XPO6: variants seen among roughly 807,000 people sequenced by gnomAD.
XPO6 encodes the protein exportin-6.
XPO6 carries 3 observed loss-of-function variants against 130.0 expected under a neutral mutation model. The ratio of observed to expected loss-of-function variants is 0.02; its 90% CI spans 0.01 to 0.06. The LOEUF (loss-of-function observed/expected upper bound fraction) is 0.06, where lower values mean the gene tolerates loss of function less well. XPO6 is among the 10% of genes least tolerant of loss of function. The pLI, the probability that XPO6 is intolerant of heterozygous loss-of-function variation, is 1.00. For missense variants in XPO6, 970 were observed against 1,393.0 expected (o/e 0.70, Z 4.83); for synonymous variants, 524 against 548.9 (o/e 0.95, Z 0.63).
intron 1 of XPO6, among the ~76,000 whole-genome samples, chr16:28,207,067 T>C (rs1200248237): frequency 6.6e-6 from 1 of 151,954 alleles, no homozygotes; most frequent in Non-Finnish European, 1.5e-5. Flanking sequence ...ACCAACGTGG[T>C]GAAACCCCAT....
At chr16:28,120,361 A>G (rs2087202411) in intron 14 of XPO6, among the ~76,000 whole-genome samples, 1 of 152,220 alleles carries the variant, frequency 6.6e-6, no homozygotes, top group African/African-American at 2.4e-5. Flanking sequence ...ATGTGCTAGT[A>G]CTTTAAAGTA....
At chr16:28,116,599 G>A (rs72789643) in intron 15 of XPO6, among the ~76,000 whole-genome samples, 65 of 151,802 alleles carry the variant, frequency 4.3e-4, no homozygotes, top group Non-Finnish European at 8.7e-4. Flanking sequence ...CCTTTCACTC[G>A]AACACGTAAA....
At chr16:28,207,349 AT>A (rs2044048378) in intron 1 of XPO6, among the ~76,000 whole-genome samples, 1 of 152,190 alleles carries the variant, frequency 6.6e-6, no homozygotes, top group Non-Finnish European at 1.5e-5. Context: ...CAAAAACTCA[AT>A]TTTGCACACA....
intron 7 of XPO6, chr16:28,153,325 G>A (rs1201951971): frequency 1.0e-6 from 1 of 985,678 alleles, no homozygotes; most frequent in Non-Finnish European, 1.2e-6. Flanking sequence ...TACTCTAAAA[G>A]TGATTTCAAA....
At position 28,106,186 on chromosome 16, in the gene XPO6, C is replaced by G; in HGVS notation, c.2641G>C (p.Glu881Gln). ...REQLAESILH[E>Q]GSTGCRVVEK... ...ACCACCCGGCAGCCTGTGCTGCCCT[C>G]GTGGAGGATGCTCTCGGCTAACTGC... The change falls in exon 20 of 24, where the codon GAG becomes CAG. Residue 881 changes from glutamate (E) to glutamine (Q), a missense_variant. By Grantham distance (29) the Glu-to-Gln change is conservative. Transcript: ENST00000304658. This position sits in a 1 kb window ranked among gnomAD's most constrained non-coding sequence, Gnocchi z 4.2. 6.2e-7 allele frequency: 1 copy of G among 1,614,116 alleles called. No individual in the cohort carries two copies. The highest frequency in any genetic ancestry group is 8.5e-7 in the Non-Finnish European group (1 of 1,180,034).
rs1446527297 is a variant in XPO6 at position 28,101,831 on chromosome 16, G to A, written c.3045+16C>T. 3 of 1,611,762 alleles carry A rather than the reference G, an allele frequency of 1.9e-6. No individual in the cohort carries two copies. The South Asian group carries it at 3.3e-5, about 18-fold the overall frequency. ...GCCCCTGATGGAAGAATATTTCCAAGAGCTGGGGCACTTACCTTGTGGTAC... is the reference window on the plus strand; with the variant it reads ...GCCCCTGATGGAAGAATATTTCCAAAAGCTGGGGCACTTACCTTGTGGTAC... On this transcript the variant is annotated intron_variant, in intron 22 of 23. Transcript: ENST00000304658. This position sits in a 1 kb window ranked among gnomAD's most constrained non-coding sequence, Gnocchi z 5.4.
At chr16:28,135,485 C>T (rs565579846) in intron 9 of XPO6, among the ~76,000 whole-genome samples, 161 bp from the exon 10 acceptor site, 11 of 152,260 alleles carry the variant, frequency 7.2e-5, no homozygotes, top group African/African-American at 2.6e-4. Context: ...CGTGTGTGCG[C>T]CCATGGAAGA....
chr16:28,124,237 T>C lies in XPO6; in HGVS notation c.1766+1452A>G, dbSNP rs146136444. On this transcript the variant is annotated intron_variant, in intron 13 of 23. Transcript: ENST00000304658. ...CACGCCCGGCTAATTTTTGTATTTT[T>C]AGTAGAGATGGGGTTTCATCATATT... 8.5e-4 allele frequency among the ~76,000 whole-genome samples: 130 copies of C among 152,212 alleles called. 1 individual carries two copies. In the East Asian group the frequency reaches 0.022, roughly 25 times the overall value.
chr16:28,177,440 A>C (rs2043550480), intron 2 of XPO6, 108 bp from the exon 3 acceptor site: 1 of 601,168 alleles, frequency 1.7e-6, no homozygotes. Context: ...TATAATGTAA[A>C]TGATGTCAAA....
chr16:28,113,186 T>C lies in XPO6; in HGVS notation c.2005-136A>G, dbSNP rs764313500. 5.2e-5 allele frequency: 60 copies of C among 1,154,596 alleles called. 1 individual carries two copies. The highest frequency in any genetic ancestry group is 6.3e-5 in the African/African-American group (4 of 63,430). 71.5% of individuals were successfully genotyped at this position (1,154,596 alleles called of 1,614,324 possible). A position where few individuals can be genotyped will look rare whatever the true frequency, so the allele number is the denominator to read the frequency against. On this transcript the variant is annotated intron_variant, in intron 15 of 23. Transcript: ENST00000304658. ...ACCTAGGCCCTATCTAGCTCAAGAA[T>C]TTTTCCTATGATGACTACAAGAGAA... is the stretch of plus-strand genomic sequence containing the variant.
intron 1 of XPO6, among the ~76,000 whole-genome samples, chr16:28,200,734 A>G (rs1472078509): frequency 6.6e-6 from 1 of 152,138 alleles, no homozygotes; most frequent in Non-Finnish European, 1.5e-5. Flanking sequence ...GCCCAGATGA[A>G]GAGAACACTA....
At chr16:28,146,513 T>C (rs1305394914) in intron 8 of XPO6, among the ~76,000 whole-genome samples, 1 of 152,200 alleles carries the variant, frequency 6.6e-6, no homozygotes, top group Non-Finnish European at 1.5e-5. Flanking sequence ...TTACAGATCA[T>C]CTAGTTTAAA....
At chr16:28,100,008 G>A (rs554509415) in intron 23 of XPO6, among the ~76,000 whole-genome samples, 22 of 150,890 alleles carry the variant, frequency 1.5e-4, no homozygotes, top group African/African-American at 5.4e-4. Context: ...TTTTTTTTGA[G>A]ACAAAGTCCC....
intron 8 of XPO6, among the ~76,000 whole-genome samples, chr16:28,147,397 T>TC (rs761945766): frequency 5.3e-5 from 8 of 150,714 alleles, no homozygotes; most frequent in Non-Finnish European, 1.2e-4. Context: ...ACTCGGTGTG[T>TC]ATATTTTAGA....
chr16:28,182,032 CCCAAA>C (rs2043624643), intron 1 of XPO6, among the ~76,000 whole-genome samples: 1 of 152,192 alleles, frequency 6.6e-6, no homozygotes, highest in African/African-American at 2.4e-5. Context: ...GGTAACCATT[CCCAAA>C]CCATTTTTGA....
At chr16:28,113,100 G>C in intron 15 of XPO6, 50 bp from the exon 16 acceptor site, 3 of 1,581,850 alleles carry the variant, frequency 1.9e-6, no homozygotes, top group Non-Finnish European at 2.6e-6. Context: ...GTAAGACTGG[G>C]ATTCGAACTT....
chr16:28,192,796 G>A (rs114218584), intron 1 of XPO6, among the ~76,000 whole-genome samples: 2,571 of 152,256 alleles, frequency 0.017, 69 homozygotes, highest in African/African-American at 0.056. Flanking sequence ...GTAGGCTAAA[G>A]CAAGAATGAG....
At chr16:28,200,487 T>C (rs1373008590) in intron 1 of XPO6, among the ~76,000 whole-genome samples, 1 of 151,986 alleles carries the variant, frequency 6.6e-6, no homozygotes, top group African/African-American at 2.4e-5. Flanking sequence ...TTTTCTTTCT[T>C]TCTTTTTTTT....
intron 1 of XPO6, among the ~76,000 whole-genome samples, chr16:28,211,006 A>G (rs573999445): frequency 3.3e-5 from 5 of 152,200 alleles, no homozygotes; most frequent in Non-Finnish European, 5.9e-5. Flanking sequence ...TTCCGAACAG[A>G]GGGCTGGTGT....
Sources: gnomAD v4.1 joint callset for allele counts (sites outside exome capture counted in the v4.1 genomes callset) on GRCh38, gnomAD v4.1.1 for gene constraint, Gnocchi (gnomAD v3.1) non-coding constraint, MANE v1.5 for transcripts, NCBI Gene and HGNC (gene_info 2026-07-23, HGNC 2026-07-21) for gene names.